The following SEZ6L variants were observed in gnomAD, a reference collection of about 807,000 sequenced individuals.
SEZ6L encodes the protein seizure 6-like protein.
In SEZ6L, 37 loss-of-function variants were observed where a neutral mutation model predicts 106.2. That is an observed-to-expected ratio of 0.35 (90% CI 0.27 to 0.46). SEZ6L has a LOEUF of 0.46. Among genes scored for constraint, SEZ6L ranks in the 20% least tolerant of loss-of-function variants. SEZ6L has a pLI of 1.00. For synonymous variants in SEZ6L, 541 were observed against 570.4 expected (o/e 0.95, Z 0.73); for missense variants, 1,172 against 1,332.8 (o/e 0.88, Z 1.88).
chr22:26,174,734 C>T (rs1180788695), intron 1 of SEZ6L, among the ~76,000 whole-genome samples: 2 of 152,116 alleles, frequency 1.3e-5, no homozygotes, highest in East Asian at 3.9e-4. Context: ...GGGAATAGGA[C>T]TGCTTTGAGG....
rs565595614 is a variant in SEZ6L, at chr22:26,296,396, C to T, written c.970-492C>T. Among the ~76,000 whole-genome samples, 6 of 152,264 alleles carry T rather than the reference C, an allele frequency of 3.9e-5. No homozygotes were observed. The South Asian group carries it at 1.0e-3, about 26-fold the overall frequency. Reference sequence around the variant, plus strand: ...ATCTTTTTTAAATATTTTCTGAGCACTTAATATGTGCCAGGTACTATTCTA... The same window carrying T: ...ATCTTTTTTAAATATTTTCTGAGCATTTAATATGTGCCAGGTACTATTCTA... On this transcript the variant is annotated intron_variant, in intron 3 of 16. Transcript: ENST00000248933.
At chr22:26,249,524 G>C (rs770269334) in intron 1 of SEZ6L, among the ~76,000 whole-genome samples, 1 of 150,212 alleles carries the variant, frequency 6.7e-6, no homozygotes, top group African/African-American at 2.5e-5. Flanking sequence ...AATAGTATTC[G>C]TGTGTGTGTG....
intron 1 of SEZ6L, among the ~76,000 whole-genome samples, chr22:26,260,138 A>AT (rs201002019): frequency 9.1e-4 from 138 of 151,006 alleles, no homozygotes; most frequent in Middle Eastern, 6.8e-3. Context: ...ACTTTTTAAA[A>AT]TTTTTTTTTT....
intron 1 of SEZ6L, among the ~76,000 whole-genome samples, chr22:26,240,067 G>GACACACAC (rs67141647): frequency 2.3e-4 from 31 of 136,012 alleles, no homozygotes; most frequent in African/African-American, 8.8e-4. Flanking sequence ...CACACATACA[G>GACACACAC]ACACACACAC....
chr22:26,379,702 A>C (rs1309181832), intron 16 of SEZ6L, among the ~76,000 whole-genome samples: 1 of 152,232 alleles, frequency 6.6e-6, no homozygotes, highest in Non-Finnish European at 1.5e-5. Context: ...GTTATTTTGC[A>C]TTCTATGTAG....
chr22:26,219,397 A>C (rs966703807), intron 1 of SEZ6L, among the ~76,000 whole-genome samples: 3 of 152,192 alleles, frequency 2.0e-5, no homozygotes, highest in Non-Finnish European at 4.4e-5. Flanking sequence ...TTTTTTACAA[A>C]ATCTGTTTTA....
intron 11 of SEZ6L, among the ~76,000 whole-genome samples, chr22:26,348,552 AG>A (rs1569473254): frequency 2.4e-5 from 2 of 83,872 alleles, no homozygotes; most frequent in Non-Finnish European, 4.7e-5. Flanking sequence ...GAAGGAAGGA[AG>A]GAAGGAAGGG....
intron 8 of SEZ6L, among the ~76,000 whole-genome samples, chr22:26,312,943 T>C (rs1230988426): frequency 6.6e-6 from 1 of 152,144 alleles, no homozygotes; most frequent in Non-Finnish European, 1.5e-5. Flanking sequence ...TAATGAAAGG[T>C]GCCCTCACTC....
chr22:26,342,687 T>A (rs2082876125), intron 10 of SEZ6L, among the ~76,000 whole-genome samples: 1 of 148,852 alleles, frequency 6.7e-6, no homozygotes, highest in African/African-American at 2.5e-5. Context: ...AGAGCGAGAC[T>A]CCGTCTCAAA....
intron 9 of SEZ6L, among the ~76,000 whole-genome samples, chr22:26,332,889 A>C (rs562556964): frequency 6.2e-4 from 95 of 152,374 alleles, no homozygotes; most frequent in African/African-American, 2.1e-3. Context: ...CTTTGGCATC[A>C]AAAGACGTAG....
At chr22:26,250,154 G>C (rs1022323374) in intron 1 of SEZ6L, among the ~76,000 whole-genome samples, 2 of 152,096 alleles carry the variant, frequency 1.3e-5, no homozygotes, top group African/African-American at 4.8e-5. Flanking sequence ...TTGCTGTGTA[G>C]AAGCTTTTTA....
intron 1 of SEZ6L, among the ~76,000 whole-genome samples, chr22:26,257,628 G>A (rs1390886575): frequency 6.6e-6 from 1 of 152,182 alleles, no homozygotes; most frequent in Admixed American, 6.5e-5. Context: ...GCTCTTCTGA[G>A]GAGGTGACAT....
At chr22:26,247,090 T>A (rs2079380359) in intron 1 of SEZ6L, among the ~76,000 whole-genome samples, 1 of 152,200 alleles carries the variant, frequency 6.6e-6, no homozygotes, top group African/African-American at 2.4e-5. Context: ...GAAAACCCCA[T>A]ACCCTCATCT....
rs73415346 is a variant in SEZ6L, at chr22:26,375,716, G to A, written c.2942+27G>A. The A allele has an allele frequency of 9.4e-4, 1,462 of 1,560,966 alleles. 10 individuals carry two copies. The African/African-American group carries it at 0.017, about 18-fold the overall frequency. ...TAGGGAGCTGATGGGGGAGATGACT[G>A]CCAAGCACCCAGCCACCAGTACTCA... is the stretch of plus-strand genomic sequence containing the variant. On this transcript the variant is annotated intron_variant, in intron 15 of 16. Transcript: ENST00000248933.
At chr22:26,173,347 G>A (rs1419249397) in intron 1 of SEZ6L, among the ~76,000 whole-genome samples, 2 of 152,204 alleles carry the variant, frequency 1.3e-5, no homozygotes, top group Non-Finnish European at 2.9e-5. Flanking sequence ...AGTAGAAAGG[G>A]GTTGAAGGGC....
intron 9 of SEZ6L, 110 bp downstream of exon 9, chr22:26,314,012 T>C: frequency 1.7e-6 from 2 of 1,157,206 alleles, no homozygotes; most frequent in Non-Finnish European, 2.5e-6. Flanking sequence ...ATCTACTATG[T>C]GCCGGGACTA....
At chr22:26,355,067 G>C (rs1451715823) in intron 12 of SEZ6L, among the ~76,000 whole-genome samples, 1 of 152,242 alleles carries the variant, frequency 6.6e-6, no homozygotes, top group Non-Finnish European at 1.5e-5. Flanking sequence ...TTTTAAGGTT[G>C]AGGTTGTCAG....
intron 1 of SEZ6L, among the ~76,000 whole-genome samples, chr22:26,179,003 A>AC (rs1376397624): frequency 6.6e-6 from 1 of 151,964 alleles, no homozygotes; most frequent in Non-Finnish European, 1.5e-5. Context: ...TTGAAATCCA[A>AC]CCCCTCTGCT....
At chr22:26,352,220 A>G (rs1004133873) in intron 12 of SEZ6L, among the ~76,000 whole-genome samples, 1 of 152,048 alleles carries the variant, frequency 6.6e-6, no homozygotes, top group Non-Finnish European at 1.5e-5. Flanking sequence ...TATACAAACA[A>G]TGTTCACAGT....
Sources: gnomAD v4.1 joint callset for allele counts (sites outside exome capture counted in the v4.1 genomes callset) on GRCh38, gnomAD v4.1.1 for gene constraint, MANE v1.5 for transcripts, NCBI Gene and HGNC (gene_info 2026-07-23, HGNC 2026-07-21) for gene names.